Variants in SPINK13 observed in about 807,000 individuals in gnomAD.
The protein encoded by SPINK13 is serine protease inhibitor Kazal-type 13.
Under a neutral mutation model 11.0 loss-of-function variants are expected in SPINK13, and 11 were observed. That is an observed-to-expected ratio of 1.00 (90% confidence interval 0.63 to 1.65). SPINK13 has a LOEUF of 1.65. Ranked by LOEUF, SPINK13 falls within the 40% of genes most tolerant of loss-of-function variation. The pLI is 0.00. For missense variants in SPINK13, 113 were observed against 117.7 expected (o/e 0.96, Z 0.19); for synonymous variants, 31 against 35.6 (o/e 0.87, Z 0.46).
At chr5:148,272,047 A>T (rs1283233697) in intron 2 of SPINK13, among the ~76,000 whole-genome samples, 2 of 152,240 alleles carry the variant, frequency 1.3e-5, no homozygotes, top group East Asian at 1.9e-4. Flanking sequence ...ATTTAGTTTC[A>T]TTGATGAATA....
At chr5:148,279,683 A>T (rs925112356) in intron 3 of SPINK13, among the ~76,000 whole-genome samples, 1 of 152,070 alleles carries the variant, frequency 6.6e-6, no homozygotes, top group Non-Finnish European at 1.5e-5. Context: ...CCATGGGTAA[A>T]CCGACCTTTC....
chr5:148,273,782 A>AAT (rs1173853688), intron 2 of SPINK13, among the ~76,000 whole-genome samples: 1 of 152,222 alleles, frequency 6.6e-6, no homozygotes, highest in Admixed American at 6.5e-5. Flanking sequence ...AGCATAATAC[A>AAT]ATAAGTACTT....
At chr5:148,280,420 A>G (rs1009415209) in intron 3 of SPINK13, among the ~76,000 whole-genome samples, 2 of 152,010 alleles carry the variant, frequency 1.3e-5, no homozygotes, top group Non-Finnish European at 2.9e-5. Flanking sequence ...ATCTTTGTGG[A>G]TTTATCTACC....
At chr5:148,285,858 G>GAAA in intron 4 of SPINK13, 142 bp from the exon 5 acceptor site, 1 of 396,406 alleles carries the variant, frequency 2.5e-6, no homozygotes, top group Non-Finnish European at 4.5e-6. Flanking sequence ...AAACAAAAAT[G>GAAA]AAAAAAAAAA....
intron 2 of SPINK13, among the ~76,000 whole-genome samples, chr5:148,271,683 G>C (rs1047648235): frequency 1.3e-5 from 2 of 152,026 alleles, no homozygotes; most frequent in African/African-American, 4.8e-5. Context: ...TCACTCTGTC[G>C]CCCAGGCTGG....
Position 148,282,124 on chromosome 5 carries a change from C to T in SPINK13, c.129C>T (p.Ile43=). 2 of 1,614,140 alleles carry T rather than the reference C, an allele frequency of 1.2e-6. No individual in the cohort carries two copies. Among genetic ancestry groups the T allele is most frequent in the East Asian group, 2.2e-5 (1 of 44,874 alleles). ...RWPKPRCKMY[I]PLDPDYNADC... is the part of the protein sequence containing the mutation. ...TGCAGCCCCGATGTAAAATGTATATCCCACTGGACCCTGATTACAATGCAG... is the reference window on the plus strand; with the variant it reads ...TGCAGCCCCGATGTAAAATGTATATTCCACTGGACCCTGATTACAATGCAG... Residue 43 remains isoleucine, a synonymous_variant, in exon 4 of 5, where the codon ATC becomes ATT. Coordinates refer to ENST00000398450, the MANE Select transcript of SPINK13 (RefSeq NM_001040129.3).
chr5:148,274,433 C>T lies in SPINK13; in HGVS notation c.108+49C>T, dbSNP rs373170364. 3.1e-5 allele frequency: 45 copies of T among 1,470,816 alleles called. No individual in the cohort carries two copies. In the African/African-American group the frequency reaches 4.3e-4, roughly 14 times the overall value. 91.1% of individuals were successfully genotyped at this position (1,470,816 alleles called of 1,614,324 possible). A position where few individuals can be genotyped will look rare whatever the true frequency, so the allele number is the denominator to read the frequency against. On this transcript the variant is annotated intron_variant, in intron 3 of 4. Transcript: ENST00000398450. ...AGGTTGTAATTCTAGTCTAATCACT[C>T]TCCAGACATGAGAGATCTAAAACTT...
intron 3 of SPINK13, among the ~76,000 whole-genome samples, chr5:148,275,575 G>A (rs937538942): frequency 1.3e-5 from 2 of 152,090 alleles, no homozygotes; most frequent in Admixed American, 1.3e-4. Flanking sequence ...CCTCCACAAT[G>A]GTTGAACTAA....
At chr5:148,278,965 T>C (rs1469642039) in intron 3 of SPINK13, among the ~76,000 whole-genome samples, 2 of 152,174 alleles carry the variant, frequency 1.3e-5, no homozygotes, top group Non-Finnish European at 2.9e-5. Flanking sequence ...GGTGCATATA[T>C]ATTTAGGATA....
At chr5:148,283,375 C>A (rs540847662) in intron 4 of SPINK13, among the ~76,000 whole-genome samples, 59 of 152,216 alleles carry the variant, frequency 3.9e-4, no homozygotes, top group African/African-American at 1.3e-3. Context: ...TTTGGCAGAC[C>A]CAGGTCCTGG....
chr5:148,274,275 C>T, intron 2 of SPINK13, 72 bp from the exon 3 acceptor site: 1 of 1,052,704 alleles, frequency 9.5e-7, no homozygotes, highest in South Asian at 1.4e-5. Flanking sequence ...CAATCAGTGA[C>T]TTCAGTAGGT....
In SPINK13 at chr5:148,281,980, T is replaced by C. The variant is rs912423256; in HGVS notation, c.109-124T>C. Reference sequence around the variant, plus strand: ...TGACAGAAGGCCACAGAACAGTGAATCCTTGATAAGATCAATTGACTGGTA... The same window carrying C: ...TGACAGAAGGCCACAGAACAGTGAACCCTTGATAAGATCAATTGACTGGTA... On this transcript the variant is annotated intron_variant, in intron 3 of 4. Transcript: ENST00000398450. 2.9e-6 allele frequency: 4 copies of C among 1,362,366 alleles called. No individual in the cohort carries two copies. The African/African-American group carries it at 5.8e-5, about 20-fold the overall frequency. 84.4% of individuals were successfully genotyped at this position (1,362,366 alleles called of 1,614,324 possible).
At chr5:148,270,286 A>G (rs1244913292) in intron 2 of SPINK13, 144 bp downstream of exon 2, 13 of 710,596 alleles carry the variant, frequency 1.8e-5, no homozygotes, top group Non-Finnish European at 2.8e-5. Context: ...ATTAAAATGT[A>G]TATTCTTAAA....
intron 4 of SPINK13, among the ~76,000 whole-genome samples, chr5:148,284,718 C>T (rs1756566645): frequency 6.6e-6 from 1 of 152,082 alleles, no homozygotes; most frequent in African/African-American, 2.4e-5. Flanking sequence ...GAGGAAAAAG[C>T]CCTGGCAAAT....
chr5:148,271,981 T>A (rs1025693824), intron 2 of SPINK13, among the ~76,000 whole-genome samples: 6 of 152,224 alleles, frequency 3.9e-5, no homozygotes, highest in African/African-American at 1.4e-4. Context: ...TCTTTTGAAA[T>A]TTGCTTTTTC....
Position 148,282,108 on chromosome 5 carries a change from G to A in SPINK13, c.113G>A (p.Arg38Gln), listed in dbSNP as rs754422921. Residue 38 changes from arginine to glutamine, a missense_variant, in exon 4 of 5, where the codon CGA becomes CAA. By Grantham distance (43) the Arg-to-Gln change is conservative (BLOSUM62 1). Transcript: ENST00000398450. Reference sequence around the variant, plus strand: ...TATGGTGTCATGTATTTGCAGCCCCGATGTAAAATGTATATCCCACTGGAC... The same window carrying A: ...TATGGTGTCATGTATTTGCAGCCCCAATGTAAAATGTATATCCCACTGGAC... ...KRDFTRWPKP[R>Q]CKMYIPLDPD... is the part of the protein sequence containing the mutation. 52 of 1,613,894 alleles carry A rather than the reference G, an allele frequency of 3.2e-5. No homozygotes were observed. Among genetic ancestry groups the A allele is most frequent in the Non-Finnish European group, 3.2e-5 (38 of 1,179,936 alleles).
chr5:148,274,449 T>C (rs1361626300), intron 3 of SPINK13, 65 bp downstream of exon 3: 2 of 1,369,094 alleles, frequency 1.5e-6, no homozygotes, highest in East Asian at 2.4e-5. Flanking sequence ...ACATGAGAGA[T>C]CTAAAACTTC....
chr5:148,277,470 A>G (rs2113369194), intron 3 of SPINK13, among the ~76,000 whole-genome samples: 1 of 152,282 alleles, frequency 6.6e-6, no homozygotes, highest in African/African-American at 2.4e-5. Flanking sequence ...TAGTTCATTG[A>G]GTGTTTTTAG....
chr5:148,280,275 C>G (rs552541199), intron 3 of SPINK13, among the ~76,000 whole-genome samples: 8 of 152,234 alleles, frequency 5.3e-5, no homozygotes, highest in African/African-American at 1.7e-4. Flanking sequence ...CCTTCTGAAG[C>G]CTACTTCTGT....
Sources: gnomAD v4.1 joint callset for allele counts (sites outside exome capture counted in the v4.1 genomes callset) on GRCh38, gnomAD v4.1.1 for gene constraint, MANE v1.5 for transcripts, NCBI Gene and HGNC (gene_info 2026-07-23, HGNC 2026-07-21) for gene names.